GNAL: variants seen among roughly 807,000 people sequenced by gnomAD.
GNAL encodes the protein G protein subunit alpha L.
GNAL carries 18 observed loss-of-function variants against 55.1 expected under a neutral mutation model. That is an observed-to-expected ratio of 0.33 (90% confidence interval 0.23 to 0.48). The LOEUF (loss-of-function observed/expected upper bound fraction) is 0.48, where lower values mean the gene tolerates loss of function less well. GNAL is among the 20% of genes least tolerant of loss of function. The pLI is 0.99. For synonymous variants in GNAL, 253 were observed against 237.0 expected, an observed-to-expected ratio of 1.07 and a Z score of -0.62; for missense variants, 412 against 614.1, an observed-to-expected ratio of 0.67 and a Z score of 3.48.
chr18:11,853,301 T>C (rs148010070), intron 5 of GNAL: 1 of 167,248 alleles, frequency 6.0e-6, no homozygotes, highest in African/African-American at 2.4e-5. Flanking sequence ...CTTGAGTCTT[T>C]AAGGCTAGAG....
intron 1 of GNAL, among the ~76,000 whole-genome samples, chr18:11,718,982 G>A (rs1242725527): frequency 6.6e-6 from 1 of 151,856 alleles, no homozygotes; most frequent in African/African-American, 2.4e-5. Flanking sequence ...TGAATTAAAT[G>A]GTACACAAAC....
intron 5 of GNAL, among the ~76,000 whole-genome samples, chr18:11,835,988 T>C (rs111300837): frequency 7.2e-5 from 11 of 152,044 alleles, no homozygotes; most frequent in African/African-American, 2.7e-4. Context: ...CTACAAATAA[T>C]TTTTAAAAAT....
chr18:11,744,804 G>C (rs1301260806), intron 1 of GNAL, among the ~76,000 whole-genome samples: 6 of 152,188 alleles, frequency 3.9e-5, no homozygotes, highest in African/African-American at 1.4e-4. Flanking sequence ...TCGACCTCCT[G>C]GGCTCCAGCA....
chr18:11,761,392 C>A (rs1335549523), intron 4 of GNAL, among the ~76,000 whole-genome samples: 1 of 152,220 alleles, frequency 6.6e-6, no homozygotes, highest in Admixed American at 6.5e-5. Flanking sequence ...GGGAGTCCCC[C>A]AGGCTCTCTG....
chr18:11,836,082 G>A (rs778592750), intron 5 of GNAL, among the ~76,000 whole-genome samples: 1 of 151,998 alleles, frequency 6.6e-6, no homozygotes, highest in Admixed American at 6.6e-5. Flanking sequence ...AGGAGTCAAG[G>A]CTGCAGTGAG....
In GNAL at chr18:11,704,436, C is replaced by T. The variant is rs530211622; in HGVS notation, c.376+14497C>T. On this transcript the variant is annotated intron_variant, in intron 1 of 11. Transcript: ENST00000334049. ...GCACAACTAATGGCCCAGGGTCTTC[C>T]GGCTGAAAGTGGGAATAGTGAGGAA... Among the ~76,000 whole-genome samples the T allele has an allele frequency of 8.5e-5, 13 of 152,288 alleles. No homozygotes were observed. The East Asian group carries it at 1.9e-3, about 23-fold the overall frequency.
At chr18:11,875,647 G>A (rs888568255) in intron 10 of GNAL, among the ~76,000 whole-genome samples, 1 of 152,132 alleles carries the variant, frequency 6.6e-6, no homozygotes, top group Admixed American at 6.5e-5. Context: ...TGCCATGATT[G>A]GAAGCTTCCT....
chr18:11,865,284 T>C (rs2036236858), intron 7 of GNAL, among the ~76,000 whole-genome samples: 3 of 149,622 alleles, frequency 2.0e-5, no homozygotes, highest in Admixed American at 2.0e-4. Flanking sequence ...CCTCTGCCTA[T>C]GACCAGCCCC....
intron 4 of GNAL, among the ~76,000 whole-genome samples, chr18:11,794,263 C>T (rs1018069512): frequency 6.6e-6 from 1 of 152,196 alleles, no homozygotes; most frequent in Non-Finnish European, 1.5e-5. Flanking sequence ...AGCAGAGGAT[C>T]AAACGTATCT....
intron 1 of GNAL, among the ~76,000 whole-genome samples, chr18:11,703,773 A>G (rs1359828442): frequency 6.7e-6 from 1 of 148,538 alleles, no homozygotes; most frequent in African/African-American, 2.5e-5. Context: ...GGAACAGGGG[A>G]TAGGAGGCCC....
Position 11,867,237 on chromosome 18 carries a change from T to A in GNAL, c.910+11T>A. Reference sequence around the variant, plus strand: ...TCCAGTGCTTTAACGGTGATTTTTTTATGCTCTCTCAAGAAAATAGGAGTG... The same window carrying A: ...TCCAGTGCTTTAACGGTGATTTTTTAATGCTCTCTCAAGAAAATAGGAGTG... On this transcript the variant is annotated intron_variant, in intron 8 of 11. Coordinates refer to ENST00000334049, the MANE Select transcript of GNAL (RefSeq NM_182978.4). The A allele has an allele frequency of 2.6e-6, 4 of 1,563,838 alleles. No homozygotes were observed. Among genetic ancestry groups the A allele is most frequent in the East Asian group, 2.2e-5 (1 of 44,626 alleles).
intron 4 of GNAL, among the ~76,000 whole-genome samples, chr18:11,788,908 A>ATAT (rs372490535): frequency 0.11 from 7,508 of 71,456 alleles, 317 homozygotes; most frequent in Non-Finnish European, 0.13. Context: ...AAAAAAAAAA[A>ATAT]AAAAAAATAT....
At chr18:11,789,796 G>A (rs893523891) in intron 4 of GNAL, among the ~76,000 whole-genome samples, 2 of 152,190 alleles carry the variant, frequency 1.3e-5, no homozygotes, top group African/African-American at 4.8e-5. Context: ...TGCAGAGGAA[G>A]GACGTGAAAA....
In GNAL at chr18:11,868,795, G is replaced by A. The variant is rs1403132004; in HGVS notation, c.1031+132G>A. 1.5e-6 allele frequency: 1 copy of A among 674,638 alleles called. No homozygotes were observed. The highest frequency in any genetic ancestry group is 2.4e-6 in the Non-Finnish European group (1 of 409,480). 41.8% of individuals were successfully genotyped at this position (674,638 alleles called of 1,614,324 possible). On this transcript the variant is annotated intron_variant, in intron 9 of 11. Transcript: ENST00000334049. This position sits in a 1 kb window ranked among gnomAD's most constrained non-coding sequence, Gnocchi z 4.0. ...GGAGGCCGAGGCAGGTGTGTCACTT[G>A]AGCTCAGCAGTTGGAGACTAGCCTG...
intron 1 of GNAL, among the ~76,000 whole-genome samples, chr18:11,714,787 G>C (rs1420387846): frequency 1.3e-5 from 2 of 152,222 alleles, no homozygotes; most frequent in African/African-American, 4.8e-5. Flanking sequence ...GTATGATTCA[G>C]TTCCCAAGTG....
At chr18:11,690,336 A>C (rs1454284032) in intron 1 of GNAL, among the ~76,000 whole-genome samples, 1 of 152,110 alleles carries the variant, frequency 6.6e-6, no homozygotes, top group Non-Finnish European at 1.5e-5. Flanking sequence ...AGTTTGTTTT[A>C]AGAACACAGA....
intron 1 of GNAL, among the ~76,000 whole-genome samples, chr18:11,743,314 C>CAAAAAAAAA (rs527239039): frequency 8.6e-6 from 1 of 116,392 alleles, no homozygotes; most frequent in Non-Finnish European, 1.8e-5. Context: ...CTCACTAATA[C>CAAAAAAAAA]AAAAAAAAAA....
chr18:11,722,239 A>T (rs1342924163), intron 1 of GNAL, among the ~76,000 whole-genome samples: 1 of 152,246 alleles, frequency 6.6e-6, no homozygotes, highest in African/African-American at 2.4e-5. Context: ...ACTTACCACC[A>T]GCAAATGATT....
intron 4 of GNAL, among the ~76,000 whole-genome samples, chr18:11,774,912 A>G (rs985851173): frequency 1.3e-5 from 2 of 152,232 alleles, no homozygotes; most frequent in African/African-American, 2.4e-5. Flanking sequence ...TCAGTCCATG[A>G]GTGCCTGTAG....
Sources: gnomAD v4.1 joint callset for allele counts (sites outside exome capture counted in the v4.1 genomes callset) on GRCh38, gnomAD v4.1.1 for gene constraint, Gnocchi (gnomAD v3.1) non-coding constraint, MANE v1.5 for transcripts, NCBI Gene and HGNC (gene_info 2026-07-23, HGNC 2026-07-21) for gene names.